The following HNRNPA1L2 variants were observed in gnomAD, a reference collection of about 807,000 sequenced individuals.
HNRNPA1L2 encodes the protein heterogeneous nuclear ribonucleoprotein A1-like 2.
A neutral mutation model predicts 18.2 loss-of-function variants in HNRNPA1L2; 10 were observed. That is an observed-to-expected ratio of 0.55 (90% confidence interval 0.34 to 0.93). HNRNPA1L2 has a LOEUF of 0.93. HNRNPA1L2 is among the 40% of genes least tolerant of loss of function. The probability of loss-of-function intolerance (pLI) is 0.02; values close to 1 mark genes in which losing one functional copy is unlikely to be tolerated. For missense variants in HNRNPA1L2, 308 were observed against 394.4 expected, an observed-to-expected ratio of 0.78 and a Z score of 1.85; for synonymous variants, 124 against 138.6, an observed-to-expected ratio of 0.89 and a Z score of 0.74.
the HNRNPA1L2 span, among the ~76,000 whole-genome samples, chr13:52,636,879 C>T: frequency 1.3e-5 from 2 of 152,034 alleles, no homozygotes; most frequent in African/African-American, 2.4e-5. Flanking sequence ...TCACCCAGGT[C>T]GGAATGCAGT....
At chr13:52,628,245 C>G in the HNRNPA1L2 span, among the ~76,000 whole-genome samples, 5,476 of 152,142 alleles carry the variant, frequency 0.036, 129 homozygotes, top group South Asian at 0.071. Context: ...GAATTTGAGA[C>G]CAGTCTGGGC....
chr13:52,624,794 C>T, the HNRNPA1L2 span, among the ~76,000 whole-genome samples: 3 of 152,058 alleles, frequency 2.0e-5, no homozygotes. Context: ...CTTTGGGAGG[C>T]CAAGGTGGGC....
chr13:52,635,331 A>AGTCT, the HNRNPA1L2 span, among the ~76,000 whole-genome samples: 34 of 152,284 alleles, frequency 2.2e-4, no homozygotes, highest in African/African-American at 8.2e-4. Flanking sequence ...AATCATATGC[A>AGTCT]ATGTACACCT....
At chr13:52,636,175 A>G in the HNRNPA1L2 span, among the ~76,000 whole-genome samples, 49 of 152,294 alleles carry the variant, frequency 3.2e-4, no homozygotes, top group Admixed American at 5.2e-4. Context: ...GTTAGTGGAC[A>G]TTTGGATTGT....
Position 52,643,427 on chromosome 13 carries a change from G to T in HNRNPA1L2, c.935G>T (p.Ser312Ile). 6.3e-7 allele frequency: 1 copy of T among 1,598,436 alleles called. No individual in the cohort carries two copies. The highest frequency in any genetic ancestry group is 8.5e-7 in the Non-Finnish European group (1 of 1,179,758). The change falls in exon 1 of 1, where the codon AGT (serine) becomes ATT (isoleucine). Residue 312 changes from serine to isoleucine, a missense_variant. By Grantham distance (142) the Ser-to-Ile change is moderately radical. Transcript: ENST00000357495. ...GGCTATGGCGTTTCCAGCAGCAGCA[G>T]TAGCTATGGCAGTGGCAGAAGATTT... ...QGGYGVSSSS[S>I]SYGSGRRF
the HNRNPA1L2 span, among the ~76,000 whole-genome samples, chr13:52,635,991 C>G: frequency 6.6e-6 from 1 of 152,112 alleles, no homozygotes; most frequent in Admixed American, 6.5e-5. Context: ...CACATGCCAC[C>G]ATGCCCAGCT....
At chr13:52,622,553 C>T in the HNRNPA1L2 span, among the ~76,000 whole-genome samples, 1 of 152,180 alleles carries the variant, frequency 6.6e-6, no homozygotes, top group African/African-American at 2.4e-5. Flanking sequence ...GTGTTATTAA[C>T]TGCTACTTAA....
At chr13:52,630,171 T>C in the HNRNPA1L2 span, among the ~76,000 whole-genome samples, 1 of 152,242 alleles carries the variant, frequency 6.6e-6, no homozygotes, top group African/African-American at 2.4e-5. Flanking sequence ...TGTATTTACA[T>C]AAAGTTTCTA....
chr13:52,630,136 G>T, the HNRNPA1L2 span, among the ~76,000 whole-genome samples: 1 of 152,154 alleles, frequency 6.6e-6, no homozygotes, highest in African/African-American at 2.4e-5. Flanking sequence ...GTCTTACATA[G>T]TTATTTTAGA....
chr13:52,639,794 T>G (rs1682487064), upstream of HNRNPA1L2, among the ~76,000 whole-genome samples: 1 of 151,240 alleles, frequency 6.6e-6, no homozygotes, highest in Non-Finnish European at 1.5e-5. Context: ...TAGGATAAAG[T>G]CCAAAATCCT....
chr13:52,642,970 G>A lies in HNRNPA1L2; in HGVS notation c.478G>A (p.Asp160Asn). Residue 160 changes from aspartate (D) to asparagine (N), a missense_variant, in exon 1 of 1, where the codon GAT becomes AAT. Coordinates refer to ENST00000357495, the MANE Select transcript of HNRNPA1L2 (RefSeq NM_001389320.1). ...AACCTTTGACGACCATGACTCCGTG[G>A]ATAAGATTGTCATTCAGAAATACCA... is the stretch of plus-strand genomic sequence containing the variant. ...FVTFDDHDSV[D>N]KIVIQKYHTV... 6.3e-7 allele frequency: 1 copy of A among 1,597,318 alleles called. No homozygotes were observed. The highest frequency in any genetic ancestry group is 1.1e-5 in the South Asian group (1 of 90,988).
the HNRNPA1L2 span, among the ~76,000 whole-genome samples, chr13:52,628,601 A>C: frequency 6.6e-6 from 1 of 152,224 alleles, no homozygotes; most frequent in East Asian, 1.9e-4. Flanking sequence ...AGGCATACAG[A>C]TACTGATTGT....
chr13:52,625,022 C>T, the HNRNPA1L2 span, among the ~76,000 whole-genome samples: 2 of 151,198 alleles, frequency 1.3e-5, no homozygotes, highest in African/African-American at 4.9e-5. Flanking sequence ...CAGAGTGAGA[C>T]CCTATCTCAA....
the HNRNPA1L2 span, among the ~76,000 whole-genome samples, chr13:52,619,950 T>G: frequency 2.0e-3 from 278 of 138,860 alleles, 1 homozygote; most frequent in Non-Finnish European, 2.9e-3. Flanking sequence ...AAAAGAATAA[T>G]AATTATTTTC....
At chr13:52,635,218 A>G in the HNRNPA1L2 span, among the ~76,000 whole-genome samples, 1 of 152,192 alleles carries the variant, frequency 6.6e-6, no homozygotes, top group Non-Finnish European at 1.5e-5. Context: ...GAAAAAGCAA[A>G]TAGATAAAAT....
At chr13:52,626,273 A>G in the HNRNPA1L2 span, among the ~76,000 whole-genome samples, 1 of 152,030 alleles carries the variant, frequency 6.6e-6, no homozygotes, top group South Asian at 2.1e-4. Flanking sequence ...ACTTATTGAG[A>G]TGGCAGTTCT....
chr13:52,643,089 T>C lies in HNRNPA1L2; in HGVS notation c.597T>C (p.Ser199=), dbSNP rs1431068805. ...ASSSQRGRRG[S]GNFGGGRGDG... ...CCAGCCAAAGAGGTCGAAGGGGTTC[T>C]GGAAACTTTGGTGGTGGTCGTGGAG... Residue 199 remains serine (S), a synonymous_variant, in exon 1 of 1, where the codon TCT becomes TCC. Coordinates refer to ENST00000357495, the MANE Select transcript of HNRNPA1L2 (RefSeq NM_001389320.1). The C allele has an allele frequency of 7.5e-6, 12 of 1,597,724 alleles. No individual in the cohort carries two copies. Among genetic ancestry groups the C allele is most frequent in the Non-Finnish European group, 8.5e-6 (10 of 1,179,768 alleles).
rs573659609 is a variant in HNRNPA1L2, at chr13:52,642,543, C to T, written c.51C>T (p.Phe17=). Reference sequence around the variant, plus strand: ...AGCCCGAACAGCTGAGGAAGCTCTTCATTGGAGGGTTGAGCTTTGAAACAA... The same window carrying T: ...AGCCCGAACAGCTGAGGAAGCTCTTTATTGGAGGGTTGAGCTTTGAAACAA... ...PKEPEQLRKL[F]IGGLSFETTD... Residue 17 remains phenylalanine (F), a synonymous_variant, in exon 1 of 1, where the codon TTC becomes TTT. Coordinates refer to ENST00000357495, the MANE Select transcript of HNRNPA1L2 (RefSeq NM_001389320.1). 19 of 1,611,892 alleles carry T rather than the reference C, an allele frequency of 1.2e-5. No homozygotes were observed. The African/African-American group carries it at 2.3e-4, about 19-fold the overall frequency.
chr13:52,619,029 C>T, the HNRNPA1L2 span, among the ~76,000 whole-genome samples: 5 of 152,196 alleles, frequency 3.3e-5, no homozygotes, highest in East Asian at 3.9e-4. Flanking sequence ...TTTTTTGAGA[C>T]GGAGTTTTGC....
Sources: allele counts gnomAD v4.1 joint callset (sites outside exome capture counted in the v4.1 genomes callset), GRCh38; gene constraint gnomAD v4.1.1; transcripts MANE v1.5; gene names NCBI Gene and HGNC (gene_info 2026-07-23, HGNC 2026-07-21).